ZDHHC14: variants seen among roughly 807,000 people sequenced by gnomAD.
ZDHHC14 encodes the protein zDHHC palmitoyltransferase 14, also known as palmitoyltransferase ZDHHC14.
In ZDHHC14, 16 loss-of-function variants were observed where a neutral mutation model predicts 47.7. The ratio of observed to expected loss-of-function variants is 0.34; its 90% CI spans 0.23 to 0.51. The LOEUF (loss-of-function observed/expected upper bound fraction) is 0.51. Ranked by LOEUF, ZDHHC14 falls within the 20% of genes least tolerant of loss-of-function variation. The pLI is 0.97. For synonymous variants in ZDHHC14, 293 were observed against 278.9 expected (o/e 1.05, Z -0.50); for missense variants, 515 against 662.5 (o/e 0.78, Z 2.44).
chr6:157,611,236 G>C (rs1309348840), intron 3 of ZDHHC14, among the ~76,000 whole-genome samples: 2 of 152,110 alleles, frequency 1.3e-5, no homozygotes, highest in Non-Finnish European at 2.9e-5. Context: ...CTGACCTCAG[G>C]TGATCTGCCC....
intron 2 of ZDHHC14, among the ~76,000 whole-genome samples, chr6:157,580,150 T>G (rs1783461234): frequency 6.6e-6 from 1 of 152,166 alleles, no homozygotes; most frequent in South Asian, 2.1e-4. Flanking sequence ...TTGAGATAAT[T>G]ATGTGGTTTT....
intron 1 of ZDHHC14, among the ~76,000 whole-genome samples, chr6:157,419,150 G>C (rs1778045968): frequency 6.6e-6 from 1 of 152,160 alleles, no homozygotes; most frequent in Non-Finnish European, 1.5e-5. Context: ...ATTTCCTGCT[G>C]TCTTCCTCCT....
At chr6:157,565,478 A>G (rs780087242) in intron 2 of ZDHHC14, among the ~76,000 whole-genome samples, 2 of 152,186 alleles carry the variant, frequency 1.3e-5, no homozygotes, top group African/African-American at 2.4e-5. Flanking sequence ...ATTCAGTCAC[A>G]TGCATATTGA....
intron 1 of ZDHHC14, among the ~76,000 whole-genome samples, chr6:157,453,436 C>T (rs1336901255): frequency 6.6e-6 from 1 of 152,210 alleles, no homozygotes; most frequent in Non-Finnish European, 1.5e-5. Flanking sequence ...CTGCCTTTCA[C>T]TTGAACCATC....
rs529746995 is a variant in ZDHHC14, at chr6:157,427,654, G to A, written c.245+45388G>A. 2.2e-4 allele frequency among the ~76,000 whole-genome samples: 34 copies of A among 152,164 alleles called. 1 individual carries two copies. Among genetic ancestry groups the A allele is most frequent in the South Asian group, 4.1e-4 (2 of 4,828 alleles). Reference sequence around the variant, plus strand: ...CAGAGGGGCCCGCAGGCAGAGGAACGTGAGTATTGAGATGTCGGCATGGGA... The same window carrying A: ...CAGAGGGGCCCGCAGGCAGAGGAACATGAGTATTGAGATGTCGGCATGGGA... On this transcript the variant is annotated intron_variant, in intron 1 of 8. Coordinates refer to ENST00000359775, the MANE Select transcript of ZDHHC14 (RefSeq NM_024630.3). The surrounding 1 kb of genome is among the most constrained non-coding windows in gnomAD (Gnocchi z 4.4).
intron 1 of ZDHHC14, among the ~76,000 whole-genome samples, chr6:157,431,172 A>AAC (rs1778332339): frequency 6.6e-6 from 1 of 152,214 alleles, no homozygotes; most frequent in East Asian, 1.9e-4. Flanking sequence ...TAATCTTCAG[A>AAC]ACACTCAGTT....
chr6:157,548,423 T>TGTC (rs1211345058), intron 2 of ZDHHC14, among the ~76,000 whole-genome samples: 2 of 134,072 alleles, frequency 1.5e-5, no homozygotes, highest in Non-Finnish European at 3.3e-5. Flanking sequence ...TTCTTGTTTT[T>TGTC]GTTGTTGTTG....
At chr6:157,443,905 G>A (rs1778608276) in intron 1 of ZDHHC14, among the ~76,000 whole-genome samples, 2 of 152,194 alleles carry the variant, frequency 1.3e-5, no homozygotes, top group Non-Finnish European at 2.9e-5. Flanking sequence ...CCATAACCCA[G>A]ATAACACACT....
chr6:157,493,776 G>A (rs1779986708), intron 1 of ZDHHC14, among the ~76,000 whole-genome samples: 1 of 152,242 alleles, frequency 6.6e-6, no homozygotes, highest in South Asian at 2.1e-4. Flanking sequence ...CCGCCGTCCT[G>A]TCTGGGAAGT....
intron 7 of ZDHHC14, among the ~76,000 whole-genome samples, chr6:157,649,281 C>A (rs142977463): frequency 1.3e-5 from 2 of 152,158 alleles, no homozygotes; most frequent in African/African-American, 4.8e-5. Context: ...GAAGGGGCTC[C>A]GGGGGAGGCT....
intron 3 of ZDHHC14, among the ~76,000 whole-genome samples, chr6:157,610,703 G>A (rs568351006): frequency 7.9e-5 from 12 of 152,294 alleles, no homozygotes; most frequent in East Asian, 5.8e-4. Flanking sequence ...CATGTTGTCC[G>A]AGCTCTCATC....
intron 1 of ZDHHC14, among the ~76,000 whole-genome samples, chr6:157,538,993 C>T (rs779863201): frequency 1.3e-5 from 2 of 151,944 alleles, no homozygotes; most frequent in Non-Finnish European, 1.5e-5. Flanking sequence ...ATAAGGAGCT[C>T]GAGCTTCATT....
chr6:157,673,486 T>C lies in ZDHHC14; in HGVS notation c.*364T>C, dbSNP rs1583110918. 1 of 255,504 alleles carries C rather than the reference T, an allele frequency of 3.9e-6. No homozygotes were observed. The highest frequency in any genetic ancestry group is 7.3e-6 in the Non-Finnish European group (1 of 137,080). 15.8% of individuals were successfully genotyped at this position (255,504 alleles called of 1,614,324 possible). A position where few individuals can be genotyped will look rare whatever the true frequency, so the allele number is the denominator to read the frequency against. ...AGACTGCAATTGCACTTATGTGTTA[T>C]GCTACTAATATTTGAAACAGACCTG... On this transcript the variant is annotated 3_prime_UTR_variant, in exon 9 of 9. Coordinates refer to ENST00000359775, the MANE Select transcript of ZDHHC14 (RefSeq NM_024630.3). The surrounding 1 kb of genome is among the most constrained non-coding windows in gnomAD (Gnocchi z 5.4).
rs537537681 is a variant in ZDHHC14 at position 157,491,861 on chromosome 6, G to A, written c.246-50724G>A. Among the ~76,000 whole-genome samples the A allele has an allele frequency of 3.3e-5, 5 of 152,334 alleles. No individual in the cohort carries two copies. In the South Asian group the frequency reaches 1.0e-3, roughly 32 times the overall value. The stretch of plus-strand genomic sequence containing the variant: ...TAATGACAGTCTGTGAGTGGCCAGC[G>A]ATGCAAGCGTAATCCTAAGGATTAA... On this transcript the variant is annotated intron_variant, in intron 1 of 8. Transcript: ENST00000359775.
chr6:157,616,928 TC>T (rs1206991232), intron 3 of ZDHHC14, among the ~76,000 whole-genome samples: 2 of 152,140 alleles, frequency 1.3e-5, no homozygotes, highest in Non-Finnish European at 2.9e-5. Context: ...ACCCTGGGGT[TC>T]CCTTGGCCCC....
chr6:157,583,768 G>T (rs1356508043), intron 2 of ZDHHC14, among the ~76,000 whole-genome samples: 1 of 152,162 alleles, frequency 6.6e-6, no homozygotes, highest in Non-Finnish European at 1.5e-5. Context: ...CAGCTCTGGG[G>T]TAAGCTCAGG....
chr6:157,454,957 A>G (rs1778879965), intron 1 of ZDHHC14, among the ~76,000 whole-genome samples: 1 of 152,184 alleles, frequency 6.6e-6, no homozygotes, highest in South Asian at 2.1e-4. Context: ...TCCTGTGAAC[A>G]ATGCTGTTGG....
chr6:157,490,096 C>T (rs1000558400), intron 1 of ZDHHC14, among the ~76,000 whole-genome samples: 2 of 152,014 alleles, frequency 1.3e-5, no homozygotes, highest in East Asian at 3.9e-4. Context: ...CCCTCAGTTT[C>T]TAGATAGAGA....
chr6:157,491,493 T>C (rs907656077), intron 1 of ZDHHC14, among the ~76,000 whole-genome samples: 1 of 152,244 alleles, frequency 6.6e-6, no homozygotes, highest in African/African-American at 2.4e-5. Context: ...AGAAAGGAGA[T>C]GAATTTGAGA....
Sources: gnomAD v4.1 joint callset for allele counts (sites outside exome capture counted in the v4.1 genomes callset) on GRCh38, gnomAD v4.1.1 for gene constraint, Gnocchi (gnomAD v3.1) non-coding constraint, MANE v1.5 for transcripts, NCBI Gene and HGNC (gene_info 2026-07-23, HGNC 2026-07-21) for gene names.